The following TEX9 variants were observed in gnomAD, a reference collection of about 807,000 sequenced individuals.
The protein encoded by TEX9 is testis expressed 9, also known as testis-expressed protein 9.
TEX9 carries 74 observed loss-of-function variants against 59.6 expected under a neutral mutation model. The observed-to-expected ratio is 1.24, with a 90% CI of 1.03 to 1.51. The LOEUF (loss-of-function observed/expected upper bound fraction) is 1.51, where lower values mean the gene tolerates loss of function less well. Among genes scored for constraint, TEX9 ranks in the 40% most tolerant of loss-of-function variants. TEX9 has a pLI of 0.00. For synonymous variants in TEX9, 186 were observed against 152.2 expected (o/e 1.22, Z -1.64); for missense variants, 522 against 447.8 (o/e 1.17, Z -1.49).
intron 1 of TEX9, among the ~76,000 whole-genome samples, chr15:56,358,560 A>C (rs1475278923): frequency 6.6e-6 from 1 of 152,308 alleles, no homozygotes; most frequent in East Asian, 1.9e-4. Context: ...TTACATTAAT[A>C]TGGTTAAATT....
intron 1 of TEX9, among the ~76,000 whole-genome samples, chr15:56,333,698 T>G (rs910163763): frequency 6.6e-6 from 1 of 152,022 alleles, no homozygotes; most frequent in African/African-American, 2.4e-5. Flanking sequence ...GAGAAAGAAA[T>G]AAAGGATATC....
At chr15:56,357,849 C>A (rs533540804) in intron 1 of TEX9, among the ~76,000 whole-genome samples, 1 of 152,082 alleles carries the variant, frequency 6.6e-6, no homozygotes, top group Non-Finnish European at 1.5e-5. Context: ...TAGATTTTCT[C>A]TATTTCACAG....
chr15:56,436,503 A>G (rs1367384739), intron 12 of TEX9, among the ~76,000 whole-genome samples: 1 of 152,212 alleles, frequency 6.6e-6, no homozygotes, highest in African/African-American at 2.4e-5. Context: ...AAGAAAAATC[A>G]GGAAAGATCT....
chr15:56,411,072 AAAG>A (rs1295247330), intron 9 of TEX9, among the ~76,000 whole-genome samples: 1 of 152,226 alleles, frequency 6.6e-6, no homozygotes, highest in Non-Finnish European at 1.5e-5. Flanking sequence ...AAAAATTATA[AAAG>A]AATATAGACA....
chr15:56,287,530 T>A (rs1277364776), intron 1 of TEX9, among the ~76,000 whole-genome samples: 3 of 152,224 alleles, frequency 2.0e-5, no homozygotes, highest in African/African-American at 7.2e-5. Context: ...AATTATTTTT[T>A]ATGGTGAGAA....
chr15:56,321,964 T>C (rs1439997611), intron 1 of TEX9, among the ~76,000 whole-genome samples: 1 of 152,014 alleles, frequency 6.6e-6, no homozygotes, highest in Non-Finnish European at 1.5e-5. Context: ...GAGGGAGTTC[T>C]GAGGAATGAT....
At chr15:56,423,215 C>G (rs943858998) in intron 10 of TEX9, among the ~76,000 whole-genome samples, 1 of 152,136 alleles carries the variant, frequency 6.6e-6, no homozygotes, top group East Asian at 1.9e-4. Context: ...GCATTTACAA[C>G]TACAAATTTC....
At chr15:56,268,566 G>A (rs967218556) in intron 1 of TEX9, among the ~76,000 whole-genome samples, 1 of 152,032 alleles carries the variant, frequency 6.6e-6, no homozygotes, top group Non-Finnish European at 1.5e-5. Flanking sequence ...GGCCTTTTCT[G>A]CATCTATTGA....
intron 1 of TEX9, among the ~76,000 whole-genome samples, chr15:56,338,469 C>A (rs1347482378): frequency 6.6e-6 from 1 of 152,184 alleles, no homozygotes; most frequent in Non-Finnish European, 1.5e-5. Context: ...ACTGCCACAA[C>A]TTATTTGTAC....
chr15:56,254,052 T>C (rs1425942932), intron 1 of TEX9, among the ~76,000 whole-genome samples: 1 of 152,136 alleles, frequency 6.6e-6, no homozygotes, highest in Non-Finnish European at 1.5e-5. Flanking sequence ...TCAAAAATCC[T>C]GTGTATGAAG....
At chr15:56,383,390 G>T (rs1335282733) in intron 3 of TEX9, among the ~76,000 whole-genome samples, 1 of 152,198 alleles carries the variant, frequency 6.6e-6, no homozygotes, top group Non-Finnish European at 1.5e-5. Flanking sequence ...TTCTTGTGAT[G>T]ATGTTTTTGT....
intron 1 of TEX9, among the ~76,000 whole-genome samples, chr15:56,320,293 A>G (rs1387799314): frequency 6.6e-6 from 1 of 152,240 alleles, no homozygotes; most frequent in Admixed American, 6.5e-5. Flanking sequence ...TCCAGCTGCC[A>G]TAATAAAATA....
At chr15:56,360,940 T>A (rs918122744), upstream of TEX9, among the ~76,000 whole-genome samples, 15 of 152,180 alleles carry the variant, frequency 9.9e-5, no homozygotes, top group Admixed American at 7.9e-4. Flanking sequence ...AGTCCAGGTT[T>A]TTCTCTTCCT....
rs376026609 is a variant in TEX9, at chr15:56,317,177, C to A, written c.-106-56264C>A. Among the ~76,000 whole-genome samples the A allele has an allele frequency of 5.3e-5, 8 of 152,330 alleles. No homozygotes were observed. In the South Asian group the frequency reaches 1.0e-3, roughly 20 times the overall value. Reference sequence around the variant, plus strand: ...TATTTGGCCATCTTGGCTCCTCCCCCCTTGTGGGAAGTTTTTAATTATTAT... The same window carrying A: ...TATTTGGCCATCTTGGCTCCTCCCCACTTGTGGGAAGTTTTTAATTATTAT... On this transcript the variant is annotated intron_variant, in intron 1 of 5. Transcript: ENST00000560827.
At chr15:56,362,969 A>G (rs2046817422), upstream of TEX9, among the ~76,000 whole-genome samples, 1 of 152,186 alleles carries the variant, frequency 6.6e-6, no homozygotes, top group Non-Finnish European at 1.5e-5. Context: ...GTATGAATAT[A>G]CCACTTTTTA....
chr15:56,293,393 A>T (rs1032728049), intron 1 of TEX9, among the ~76,000 whole-genome samples: 48 of 152,172 alleles, frequency 3.2e-4, no homozygotes, highest in African/African-American at 1.2e-3. Flanking sequence ...AAATAAAAAG[A>T]AGGAAAAAAC....
chr15:56,249,673 G>A (rs1184309604), intron 1 of TEX9, among the ~76,000 whole-genome samples: 2 of 149,972 alleles, frequency 1.3e-5, no homozygotes, highest in Non-Finnish European at 3.0e-5. Flanking sequence ...AATCAGGGAG[G>A]TGGAGGTTGC....
intron 10 of TEX9, among the ~76,000 whole-genome samples, chr15:56,424,708 A>C (rs145854439): frequency 4.1e-4 from 63 of 152,312 alleles, no homozygotes; most frequent in African/African-American, 1.4e-3. Flanking sequence ...CCCATTAACA[A>C]AGATTTATAG....
chr15:56,427,803 A>AT (rs1262081173), intron 11 of TEX9, 64 bp downstream of exon 11: 63 of 1,295,190 alleles, frequency 4.9e-5, no homozygotes, highest in Non-Finnish European at 5.8e-5. Context: ...AAAATTTAGC[A>AT]TTTTTCACTT....
Sources: gnomAD v4.1 joint callset for allele counts (sites outside exome capture counted in the v4.1 genomes callset) on GRCh38, gnomAD v4.1.1 for gene constraint, MANE v1.5 for transcripts, NCBI Gene and HGNC (gene_info 2026-07-23, HGNC 2026-07-21) for gene names.